PLXNA4: variants seen among roughly 807,000 people sequenced by gnomAD.
PLXNA4 encodes the protein plexin-A4.
Under a neutral mutation model 191.8 loss-of-function variants are expected in PLXNA4, and 44 were observed. That is an observed-to-expected ratio of 0.23 (90% CI 0.18 to 0.29). The LOEUF (loss-of-function observed/expected upper bound fraction) is 0.29. Ranked by LOEUF, PLXNA4 falls within the 10% of genes least tolerant of loss-of-function variation. PLXNA4 has a pLI of 1.00. For missense variants in PLXNA4, 1,800 were observed against 2,488.8 expected, an observed-to-expected ratio of 0.72 and a Z score of 5.89; for synonymous variants, 1,082 against 1,009.5, an observed-to-expected ratio of 1.07 and a Z score of -1.36.
At chr7:132,551,173 G>A (rs1036119742) in intron 1 of PLXNA4, among the ~76,000 whole-genome samples, 4 of 152,078 alleles carry the variant, frequency 2.6e-5, no homozygotes, top group South Asian at 2.1e-4. Context: ...TGGAGACAGC[G>A]AGCTTAGGTG....
At chr7:132,414,917 G>T (rs1022312053) in intron 3 of PLXNA4, among the ~76,000 whole-genome samples, 1 of 152,018 alleles carries the variant, frequency 6.6e-6, no homozygotes, top group African/African-American at 2.4e-5. Context: ...TCTTTCCAAC[G>T]CCAAGGACAA....
intron 4 of PLXNA4, among the ~76,000 whole-genome samples, chr7:132,277,806 T>C (rs529320777): frequency 6.6e-6 from 1 of 152,212 alleles, no homozygotes; most frequent in African/African-American, 2.4e-5. Context: ...ATAGCATATA[T>C]ATTTTAGACT....
At chr7:132,334,248 C>CTTTTT (rs1389956728) in intron 3 of PLXNA4, among the ~76,000 whole-genome samples, 1 of 99,744 alleles carries the variant, frequency 1.0e-5, no homozygotes, top group African/African-American at 4.1e-5. Flanking sequence ...TTCTTTCTTT[C>CTTTTT]TTTCTTTTTT....
chr7:132,311,257 C>T (rs917206767), intron 3 of PLXNA4, among the ~76,000 whole-genome samples: 8 of 151,044 alleles, frequency 5.3e-5, no homozygotes, highest in Non-Finnish European at 8.8e-5. Flanking sequence ...ACCCAAGATC[C>T]GGCTCATGGA....
chr7:132,487,930 G>T (rs1585209556), intron 3 of PLXNA4, among the ~76,000 whole-genome samples: 2 of 152,318 alleles, frequency 1.3e-5, no homozygotes, highest in Admixed American at 1.3e-4. Context: ...ATTCTTTGCA[G>T]GGAATTATGA....
intron 2 of PLXNA4, among the ~76,000 whole-genome samples, chr7:132,595,434 T>A (rs1017660479): frequency 6.6e-6 from 1 of 152,186 alleles, no homozygotes; most frequent in South Asian, 2.1e-4. Flanking sequence ...CATGCTAAAT[T>A]GGGAGATCCA....
Position 132,133,091 on chromosome 7 carries a change from T to C in PLXNA4, c.5547A>G (p.Ala1849=), listed in dbSNP as rs75848889. Reference sequence around the variant, plus strand: ...CCACATAGGAGAAGATCTCTGAGAGTGCACTCATGGTGTTGAACTCATTCA... The same window carrying C: ...CCACATAGGAGAAGATCTCTGAGAGCGCACTCATGGTGTTGAACTCATTCA... ...MHMNEFNTMS[A]LSEIFSYVGK... is the part of the protein sequence containing the mutation. The change falls in exon 31 of 32, where the codon GCA becomes GCG. Residue 1849 remains alanine, a synonymous_variant. Coordinates refer to ENST00000321063, the MANE Select transcript of PLXNA4 (RefSeq NM_020911.2). 0.11 allele frequency: 173,092 copies of C among 1,614,040 alleles called. 11,483 individuals carry two copies. The highest frequency in any genetic ancestry group is 0.26 in the Admixed American group (15,682 of 60,008).
chr7:132,646,739 A>G (rs1056351689), intron 1 of PLXNA4, among the ~76,000 whole-genome samples: 1 of 152,170 alleles, frequency 6.6e-6, no homozygotes, highest in Non-Finnish European at 1.5e-5. Flanking sequence ...GAAAGAGGAT[A>G]TTTGAGATGT....
intron 3 of PLXNA4, among the ~76,000 whole-genome samples, chr7:132,368,945 C>T (rs1044642931): frequency 2.0e-5 from 3 of 152,222 alleles, no homozygotes; most frequent in African/African-American, 4.8e-5. Flanking sequence ...GCTGTCAGCA[C>T]CACCTGAAGG....
chr7:132,164,319 G>A (rs986658507), intron 23 of PLXNA4, 31 bp from the exon 24 acceptor site: 9 of 1,611,270 alleles, frequency 5.6e-6, no homozygotes, highest in Non-Finnish European at 7.6e-6. Context: ...ATTAGGAGGA[G>A]CTCTTGGAAC....
rs1249954803 is a variant in PLXNA4 at position 132,481,592 on chromosome 7, C to T, written c.1371+7700G>A. On this transcript the variant is annotated intron_variant, in intron 3 of 31. Transcript: ENST00000321063. The stretch of plus-strand genomic sequence containing the variant: ...AAAACATCTAGAACAATCCTGGTGC[C>T]TACACGGTGTTCAAAGCTCAGTAGT... Among the ~76,000 whole-genome samples the T allele has an allele frequency of 2.0e-5, 3 of 152,186 alleles. No homozygotes were observed. In the East Asian group the frequency reaches 5.8e-4, roughly 29 times the overall value.
intron 25 of PLXNA4, among the ~76,000 whole-genome samples, chr7:132,151,344 G>C (rs1584767433): frequency 1.0e-5 from 1 of 97,286 alleles, no homozygotes; most frequent in Non-Finnish European, 2.5e-5. Flanking sequence ...AGGAGGAGGA[G>C]GAGGAAGAAG....
At chr7:132,408,106 C>A (rs1794297611) in intron 3 of PLXNA4, among the ~76,000 whole-genome samples, 2 of 151,158 alleles carry the variant, frequency 1.3e-5, no homozygotes, top group Admixed American at 6.6e-5. Context: ...AAAATGAGAA[C>A]TAACTTAAAT....
chr7:132,393,306 G>A (rs148095567), intron 3 of PLXNA4, among the ~76,000 whole-genome samples: 149 of 148,712 alleles, frequency 1.0e-3, no homozygotes, highest in African/African-American at 3.5e-3. Flanking sequence ...GCCAGACTGT[G>A]TCTCTCATCT....
intron 25 of PLXNA4, among the ~76,000 whole-genome samples, chr7:132,151,309 A>AG (rs1562884870): frequency 6.7e-4 from 15 of 22,524 alleles, no homozygotes; most frequent in South Asian, 2.0e-3. Flanking sequence ...AGGAGGAGGA[A>AG]GAAGGAGGAG....
At chr7:132,557,498 G>GAATA (rs1800852456) in intron 1 of PLXNA4, among the ~76,000 whole-genome samples, 1 of 150,798 alleles carries the variant, frequency 6.6e-6, no homozygotes, top group South Asian at 2.1e-4. Flanking sequence ...AGGAGCCCTT[G>GAATA]AATAAAAATC....
intron 3 of PLXNA4, among the ~76,000 whole-genome samples, chr7:132,469,119 C>CA (rs5887577): frequency 4.6e-5 from 4 of 87,384 alleles, no homozygotes; most frequent in African/African-American, 1.3e-4. Context: ...GCACACCAAC[C>CA]AAAAAAAAAA....
chr7:132,581,164 A>T (rs181136166), upstream of PLXNA4, among the ~76,000 whole-genome samples: 1 of 152,356 alleles, frequency 6.6e-6, no homozygotes, highest in Admixed American at 6.5e-5. Flanking sequence ...TAAGGGACTA[A>T]GTGGACCTCT....
chr7:132,293,168 C>T (rs1800955122), intron 4 of PLXNA4, among the ~76,000 whole-genome samples: 1 of 152,088 alleles, frequency 6.6e-6, no homozygotes, highest in African/African-American at 2.4e-5. Context: ...CCATGAACAC[C>T]CATTCTGTTA....
Sources: gnomAD v4.1 joint callset for allele counts (sites outside exome capture counted in the v4.1 genomes callset) on GRCh38, gnomAD v4.1.1 for gene constraint, MANE v1.5 for transcripts, NCBI Gene and HGNC (gene_info 2026-07-23, HGNC 2026-07-21) for gene names.